METTL16: variants seen among roughly 807,000 people sequenced by gnomAD.
METTL16 encodes RNA N(6)-adenosine-methyltransferase METTL16.
METTL16 carries 19 observed loss-of-function variants against 57.9 expected under a neutral mutation model. The observed-to-expected ratio is 0.33, with a 90% CI of 0.23 to 0.48. METTL16 has a LOEUF of 0.48. Ranked by LOEUF, METTL16 falls within the 20% of genes least tolerant of loss-of-function variation. The pLI is 0.99. For missense variants in METTL16, 434 were observed against 691.5 expected, an observed-to-expected ratio of 0.63 and a Z score of 4.18; for synonymous variants, 246 against 255.6, an observed-to-expected ratio of 0.96 and a Z score of 0.36.
At chr17:2,463,771 T>C (rs1429436939) in intron 6 of METTL16, among the ~76,000 whole-genome samples, 7 of 152,038 alleles carry the variant, frequency 4.6e-5, no homozygotes, top group African/African-American at 1.4e-4. Context: ...GCAATCTTTA[T>C]CTGCTTGTTC....
chr17:2,441,432 G>A, intron 7 of METTL16, 58 bp downstream of exon 7: 1 of 1,255,916 alleles, frequency 8.0e-7, no homozygotes, highest in Non-Finnish European at 1.1e-6. Context: ...AACTGTACTT[G>A]TGCCCCATGG....
intron 8 of METTL16, among the ~76,000 whole-genome samples, chr17:2,437,827 G>A (rs1053524483): frequency 1.3e-5 from 2 of 152,184 alleles, no homozygotes; most frequent in Admixed American, 1.3e-4. Context: ...TGGGATTACA[G>A]GCATAAGCCA....
intron 8 of METTL16, among the ~76,000 whole-genome samples, chr17:2,424,818 C>G (rs975079454): frequency 7.2e-5 from 11 of 152,102 alleles, no homozygotes; most frequent in Non-Finnish European, 1.2e-4. Context: ...CGTGGCGGCA[C>G]ACGCCTGTAG....
At chr17:2,421,838 C>T (rs1311805544) in intron 8 of METTL16, among the ~76,000 whole-genome samples, 1 of 152,120 alleles carries the variant, frequency 6.6e-6, no homozygotes, top group Admixed American at 6.5e-5. Context: ...ATGTCGGGAC[C>T]AAGCCGGCGG....
At chr17:2,429,019 T>C (rs1012164652) in intron 8 of METTL16, among the ~76,000 whole-genome samples, 2 of 148,714 alleles carry the variant, frequency 1.3e-5, no homozygotes, top group African/African-American at 5.0e-5. Flanking sequence ...CCACCAGGCC[T>C]GGCTAATTTT....
chr17:2,509,562 AAAT>A (rs1434613273), intron 1 of METTL16, among the ~76,000 whole-genome samples: 1 of 152,124 alleles, frequency 6.6e-6, no homozygotes, highest in African/African-American at 2.4e-5. Context: ...AAACAAATAC[AAAT>A]AATAGACTTT....
At chr17:2,506,676 T>G (rs1262255549) in intron 1 of METTL16, among the ~76,000 whole-genome samples, 2 of 152,086 alleles carry the variant, frequency 1.3e-5, no homozygotes, top group East Asian at 1.9e-4. Context: ...CCCCGCAAAG[T>G]GCCGAGATTG....
chr17:2,462,187 A>C (rs969489881), intron 6 of METTL16, among the ~76,000 whole-genome samples: 1 of 152,230 alleles, frequency 6.6e-6, no homozygotes, highest in Non-Finnish European at 1.5e-5. Flanking sequence ...TCATGGAAGA[A>C]CCTTGAAAAC....
chr17:2,491,509 T>C (rs2067388674), intron 2 of METTL16, among the ~76,000 whole-genome samples: 1 of 152,164 alleles, frequency 6.6e-6, no homozygotes, highest in South Asian at 2.1e-4. Context: ...CTTTAGATGG[T>C]CACTGAGGTG....
intron 8 of METTL16, among the ~76,000 whole-genome samples, chr17:2,427,803 T>A (rs1482307957): frequency 6.6e-6 from 1 of 151,918 alleles, no homozygotes; most frequent in Non-Finnish European, 1.5e-5. Context: ...CCCACAGATG[T>A]GAAGCTGAAT....
At chr17:2,424,239 A>C (rs369083673) in intron 8 of METTL16, 13 of 148,894 alleles carry the variant, frequency 8.7e-5, no homozygotes, top group Admixed American at 2.0e-4. Flanking sequence ...TCAGCCTCCC[A>C]AGTAGCTGGG....
chr17:2,435,131 G>T (rs1319151564), intron 8 of METTL16, among the ~76,000 whole-genome samples: 2 of 145,710 alleles, frequency 1.4e-5, no homozygotes, highest in African/African-American at 2.7e-5. Context: ...GGACCTTTTT[G>T]TTGCTAAAAG....
chr17:2,507,633 C>T (rs189288292), intron 1 of METTL16, among the ~76,000 whole-genome samples: 1 of 152,202 alleles, frequency 6.6e-6, no homozygotes, highest in South Asian at 2.1e-4. Flanking sequence ...GTGTACCCAA[C>T]AGCTCATTGA....
chr17:2,423,360 A>C (rs2066782884), intron 8 of METTL16, among the ~76,000 whole-genome samples: 1 of 151,358 alleles, frequency 6.6e-6, no homozygotes, highest in Non-Finnish European at 1.5e-5. Flanking sequence ...TCTGAACCTG[A>C]ACTTGTTCAA....
At chr17:2,429,648 T>C (rs530031828) in intron 8 of METTL16, among the ~76,000 whole-genome samples, 39 of 152,032 alleles carry the variant, frequency 2.6e-4, no homozygotes, top group African/African-American at 9.2e-4. Flanking sequence ...AATTAATGGA[T>C]CTAGGCAATG....
chr17:2,440,700 A>G (rs1237885851), intron 7 of METTL16, among the ~76,000 whole-genome samples: 2 of 151,994 alleles, frequency 1.3e-5, no homozygotes, highest in African/African-American at 4.8e-5. Context: ...GTGGGGTGCA[A>G]TGGTGCACAC....
intron 6 of METTL16, among the ~76,000 whole-genome samples, chr17:2,446,005 C>T (rs1278910184): frequency 3.9e-5 from 6 of 152,076 alleles, no homozygotes; most frequent in Middle Eastern, 3.4e-3. Context: ...AAAGGACAAA[C>T]CACATTATCA....
At chr17:2,445,437 T>C (rs1036828386) in intron 6 of METTL16, among the ~76,000 whole-genome samples, 12 of 152,170 alleles carry the variant, frequency 7.9e-5, no homozygotes, top group African/African-American at 2.9e-4. Flanking sequence ...AACATCACCT[T>C]GTACCCCCCA....
chr17:2,458,613 G>A (rs2067127501), intron 6 of METTL16, among the ~76,000 whole-genome samples: 2 of 152,030 alleles, frequency 1.3e-5, no homozygotes, highest in South Asian at 4.1e-4. Context: ...TAGGGAGGCT[G>A]ACGTGGGAGA....
Sources: gnomAD v4.1 joint callset for allele counts (sites outside exome capture counted in the v4.1 genomes callset) on GRCh38, gnomAD v4.1.1 for gene constraint, MANE v1.5 for transcripts, NCBI Gene and HGNC (gene_info 2026-07-23, HGNC 2026-07-21) for gene names.